SAMD3: variants seen among roughly 807,000 people sequenced by gnomAD.
SAMD3 encodes the protein sterile alpha motif domain-containing protein 3.
A neutral mutation model predicts 58.5 loss-of-function variants in SAMD3; 63 were observed. That is an observed-to-expected ratio of 1.08 (90% CI 0.88 to 1.33). The LOEUF (loss-of-function observed/expected upper bound fraction) is 1.33, where lower values mean the gene tolerates loss of function less well. Among genes scored for constraint, SAMD3 ranks in the 40% most tolerant of loss-of-function variants. The pLI, the probability that SAMD3 is intolerant of heterozygous loss-of-function variation, is 0.00. For synonymous variants in SAMD3, 220 were observed against 210.3 expected, an observed-to-expected ratio of 1.05 and a Z score of -0.40; for missense variants, 604 against 608.4, an observed-to-expected ratio of 0.99 and a Z score of 0.08.
intron 1 of SAMD3, among the ~76,000 whole-genome samples, chr6:130,334,965 A>G (rs572692129): frequency 6.6e-6 from 1 of 152,254 alleles, no homozygotes; most frequent in East Asian, 1.9e-4. Context: ...TTATCAATCA[A>G]CTCTTTTCAT....
chr6:130,154,374 G>A (rs1479941619), intron 9 of SAMD3, among the ~76,000 whole-genome samples: 1 of 151,622 alleles, frequency 6.6e-6, no homozygotes, highest in African/African-American at 2.4e-5. Context: ...CACCCCCACT[G>A]TCTTGCTATG....
intron 2 of SAMD3, among the ~76,000 whole-genome samples, chr6:130,268,859 TC>T (rs1774454381): frequency 6.6e-6 from 1 of 152,222 alleles, no homozygotes; most frequent in African/African-American, 2.4e-5. Context: ...GCTGTACTAT[TC>T]CTTTGTCAGA....
At chr6:130,329,075 CCTAT>C (rs991214319) in intron 1 of SAMD3, among the ~76,000 whole-genome samples, 1 of 151,848 alleles carries the variant, frequency 6.6e-6, no homozygotes, top group Admixed American at 6.6e-5. Flanking sequence ...TTATCTATCA[CCTAT>C]CTATTATCTG....
At position 130,247,132 on chromosome 6, in the gene SAMD3, T is replaced by A. The variant is rs140562400; in HGVS notation, c.-187-24319A>T. Among the ~76,000 whole-genome samples the A allele has an allele frequency of 3.2e-4, 48 of 152,238 alleles. 2 individuals carry two copies. Among genetic ancestry groups the A allele is most frequent in the African/African-American group, 1.2e-3 (48 of 41,544 alleles). ...TGCACATTAGAAATAAAAGGAGCTA[T>A]TAAAGATTATTGTTGTCATGTCAAA... is the stretch of plus-strand genomic sequence containing the variant. On this transcript the variant is annotated intron_variant, in intron 2 of 13. Coordinates refer to the SAMD3 transcript ENST00000368134.
rs952741170 is a variant in SAMD3 at position 130,146,320 on chromosome 6, A to G, written c.1024-139T>C. On this transcript the variant is annotated intron_variant, in intron 9 of 11. Transcript: ENST00000439090. Reference sequence around the variant, plus strand: ...CTCAATATTTTAGAAGTTTTAGTGGAGAATTAAAGCCTTAGGATGAGGGAG... The same window carrying G: ...CTCAATATTTTAGAAGTTTTAGTGGGGAATTAAAGCCTTAGGATGAGGGAG... 6.9e-6 allele frequency: 3 copies of G among 435,182 alleles called. No individual in the cohort carries two copies. In the Admixed American group the frequency reaches 1.3e-4, roughly 19 times the overall value. The allele number at this position is 435,182 out of a possible 1,614,324, so 27.0% of individuals were successfully genotyped here.
At chr6:130,326,833 G>T (rs1776776363) in intron 1 of SAMD3, among the ~76,000 whole-genome samples, 1 of 152,160 alleles carries the variant, frequency 6.6e-6, no homozygotes, top group Non-Finnish European at 1.5e-5. Context: ...CACCACTCCA[G>T]TTGTAAACTG....
Position 130,217,413 on chromosome 6 carries a change from T to G in SAMD3, c.-67-797A>C, listed in dbSNP as rs141940952. Among the ~76,000 whole-genome samples the G allele has an allele frequency of 2.0e-3, 308 of 152,300 alleles. 2 individuals carry two copies. Among genetic ancestry groups the G allele is most frequent in the African/African-American group, 7.2e-3 (300 of 41,578 alleles). ...CTAAATAGTTGAATAGTGGTATCAT[T>G]TTTAAGAAGAATTAATAATACATTA... On this transcript the variant is annotated intron_variant, in intron 1 of 11. Coordinates refer to ENST00000439090, the MANE Select transcript of SAMD3 (RefSeq NM_001017373.4).
chr6:130,360,078 G>A (rs1221754355), intron 1 of SAMD3, among the ~76,000 whole-genome samples: 7 of 152,212 alleles, frequency 4.6e-5, no homozygotes, highest in Admixed American at 1.3e-4. Context: ...TAAATGTAAT[G>A]TCTAAGAGAA....
intron 2 of SAMD3, among the ~76,000 whole-genome samples, 158 bp downstream of exon 2, chr6:130,216,413 A>G (rs1017052749): frequency 1.2e-4 from 18 of 152,256 alleles, no homozygotes; most frequent in African/African-American, 3.9e-4. Flanking sequence ...AAATGGAATC[A>G]TAAGGAAAGA....
rs185051010 is a variant in SAMD3, at chr6:130,150,749, T to C, written c.1023+4076A>G. ...TTTTTTGAGACAGAATCTCACTCCA[T>C]CGCCCAGGCTGGAGTCCAGTGGCAC... is the stretch of plus-strand genomic sequence containing the variant. On this transcript the variant is annotated intron_variant, in intron 9 of 11. Coordinates refer to ENST00000439090, the MANE Select transcript of SAMD3 (RefSeq NM_001017373.4). Among the ~76,000 whole-genome samples, 273 of 149,472 alleles carry C rather than the reference T, an allele frequency of 1.8e-3. 2 individuals carry two copies. Among genetic ancestry groups the C allele is most frequent in the Middle Eastern group, 0.017 (5 of 294 alleles).
intron 2 of SAMD3, among the ~76,000 whole-genome samples, chr6:130,253,132 T>C (rs949097958): frequency 6.6e-6 from 1 of 152,220 alleles, no homozygotes. Flanking sequence ...GCGCAGGAGA[T>C]GCAGTGTTAT....
intron 8 of SAMD3, among the ~76,000 whole-genome samples, chr6:130,159,320 A>G (rs1219004847): frequency 6.6e-6 from 1 of 152,194 alleles, no homozygotes; most frequent in Non-Finnish European, 1.5e-5. Context: ...CATAATTGTG[A>G]GGCCTCCCCA....
chr6:130,327,865 A>T (rs969293096), intron 1 of SAMD3, among the ~76,000 whole-genome samples: 2 of 152,224 alleles, frequency 1.3e-5, no homozygotes, highest in Admixed American at 6.5e-5. Flanking sequence ...TGAAGAGATC[A>T]ACAAAGAAAA....
chr6:130,186,863 C>T (rs368850155), intron 5 of SAMD3, among the ~76,000 whole-genome samples: 4 of 151,130 alleles, frequency 2.6e-5, no homozygotes, highest in East Asian at 1.9e-4. Flanking sequence ...CTCCGCCTCC[C>T]GGGTTCAAGC....
At chr6:130,272,745 T>C (rs1195312827) in intron 2 of SAMD3, among the ~76,000 whole-genome samples, 2 of 152,206 alleles carry the variant, frequency 1.3e-5, no homozygotes, top group East Asian at 1.9e-4. Flanking sequence ...AGTCTTGCTA[T>C]GTTGCCCAGG....
At chr6:130,260,064 T>C (rs1355553138) in intron 2 of SAMD3, among the ~76,000 whole-genome samples, 2 of 152,214 alleles carry the variant, frequency 1.3e-5, no homozygotes, top group African/African-American at 4.8e-5. Context: ...CCTTTCTATA[T>C]CATAGATACA....
chr6:130,196,422 C>A (rs1384214884), intron 5 of SAMD3, among the ~76,000 whole-genome samples: 1 of 152,184 alleles, frequency 6.6e-6, no homozygotes, highest in African/African-American at 2.4e-5. Flanking sequence ...ACCCTCATGA[C>A]TGTATCTCTC....
At chr6:130,246,308 C>T (rs377160210) in intron 2 of SAMD3, among the ~76,000 whole-genome samples, 1 of 152,118 alleles carries the variant, frequency 6.6e-6, no homozygotes, top group Non-Finnish European at 1.5e-5. Context: ...TGAAAGCCAT[C>T]TCTAAAAACT....
intron 5 of SAMD3, among the ~76,000 whole-genome samples, chr6:130,186,832 G>A (rs1338248961): frequency 1.3e-5 from 2 of 148,768 alleles, no homozygotes; most frequent in African/African-American, 5.0e-5. Flanking sequence ...GTGCAGTGGT[G>A]CAATCTCGGC....
Sources: allele counts gnomAD v4.1 joint callset (sites outside exome capture counted in the v4.1 genomes callset), GRCh38; gene constraint gnomAD v4.1.1; transcripts MANE v1.5; gene names NCBI Gene and HGNC (gene_info 2026-07-23, HGNC 2026-07-21).